The following PLCL2 variants were observed in gnomAD, a reference collection of about 807,000 sequenced individuals.
The protein encoded by PLCL2 is phospholipase C like 2.
A neutral mutation model predicts 79.6 loss-of-function variants in PLCL2; 4 were observed. That is an observed-to-expected ratio of 0.05 (90% CI 0.02 to 0.11). The LOEUF (loss-of-function observed/expected upper bound fraction) is 0.11. Among genes scored for constraint, PLCL2 ranks in the 10% least tolerant of loss-of-function variants. The pLI is 1.00. For missense variants in PLCL2, 895 were observed against 1,291.0 expected (o/e 0.69, Z 4.70); for synonymous variants, 484 against 457.7 (o/e 1.06, Z -0.73).
intron 1 of PLCL2, among the ~76,000 whole-genome samples, chr3:16,921,788 C>A (rs1697129795): frequency 6.6e-6 from 1 of 152,062 alleles, no homozygotes; most frequent in Non-Finnish European, 1.5e-5. Flanking sequence ...TTCTATTAAT[C>A]AGGCAATCAT....
intron 5 of PLCL2, among the ~76,000 whole-genome samples, chr3:17,075,874 T>C (rs1287581981): frequency 1.3e-5 from 2 of 152,238 alleles, no homozygotes; most frequent in African/African-American, 2.4e-5. Context: ...TATTGCTAAA[T>C]AGTATTCTGT....
At chr3:16,971,634 T>A (rs1338763122) in intron 1 of PLCL2, among the ~76,000 whole-genome samples, 1 of 152,192 alleles carries the variant, frequency 6.6e-6, no homozygotes, top group Admixed American at 6.5e-5. Flanking sequence ...ATAAATTACC[T>A]TGGGCGATAT....
chr3:16,938,610 A>G (rs988611376), intron 1 of PLCL2, among the ~76,000 whole-genome samples: 3 of 152,210 alleles, frequency 2.0e-5, no homozygotes, highest in Non-Finnish European at 4.4e-5. Context: ...AGGAAATAGT[A>G]ATCTTTTTTG....
intron 4 of PLCL2, among the ~76,000 whole-genome samples, chr3:17,062,307 C>T (rs2064960527): frequency 6.6e-6 from 1 of 152,204 alleles, no homozygotes; most frequent in South Asian, 2.1e-4. Flanking sequence ...ACTTTGATGT[C>T]TTTAAACACA....
At chr3:16,925,219 G>A (rs867332430) in intron 1 of PLCL2, among the ~76,000 whole-genome samples, 4 of 133,078 alleles carry the variant, frequency 3.0e-5, no homozygotes, top group Admixed American at 7.8e-5. Flanking sequence ...CACCGCGCCC[G>A]GCCAGGGTTT....
chr3:16,954,247 A>G (rs559868381), intron 1 of PLCL2, among the ~76,000 whole-genome samples: 13 of 152,184 alleles, frequency 8.5e-5, no homozygotes, highest in South Asian at 2.1e-4. Context: ...TCATTGTTCA[A>G]TTCCCACCAA....
At chr3:16,968,270 A>G (rs964602585) in intron 1 of PLCL2, among the ~76,000 whole-genome samples, 1 of 152,084 alleles carries the variant, frequency 6.6e-6, no homozygotes, top group Non-Finnish European at 1.5e-5. Flanking sequence ...TTGGTTCCAT[A>G]CCAATTTTAA....
intron 1 of PLCL2, among the ~76,000 whole-genome samples, chr3:16,979,592 G>A (rs531005098): frequency 1.3e-4 from 16 of 126,096 alleles, no homozygotes; most frequent in African/African-American, 4.0e-4. Context: ...ATCTTGCACC[G>A]CCCTTAATCC....
At position 17,074,955 on chromosome 3, in the gene PLCL2, G is replaced by C. The variant is rs183096905; in HGVS notation, c.3204+6890G>C. ...CTTTCTCCATATCAGCAATAAGGCA[G>C]TTTTGCTTTCTTATCATTCATGAGT... On this transcript the variant is annotated intron_variant, in intron 5 of 5. Coordinates refer to ENST00000615277, the MANE Select transcript of PLCL2 (RefSeq NM_001144382.2). Among the ~76,000 whole-genome samples the C allele has an allele frequency of 8.8e-4, 134 of 152,316 alleles. 2 individuals carry two copies. The highest frequency in any genetic ancestry group is 8.4e-3 in the Admixed American group (129 of 15,304).
At chr3:16,943,294 T>A (rs74517124) in intron 1 of PLCL2, among the ~76,000 whole-genome samples, 2,062 of 152,326 alleles carry the variant, frequency 0.014, 51 homozygotes, top group African/African-American at 0.047. Flanking sequence ...AATTATCCTC[T>A]GTACTAGCTC....
At chr3:17,006,455 A>G (rs2064261151) in intron 1 of PLCL2, among the ~76,000 whole-genome samples, 2 of 152,188 alleles carry the variant, frequency 1.3e-5, no homozygotes, top group Non-Finnish European at 2.9e-5. Context: ...ATTCTGGTCC[A>G]CCCATTAAGG....
At chr3:16,954,185 G>C (rs529373579) in intron 1 of PLCL2, among the ~76,000 whole-genome samples, 12 of 152,054 alleles carry the variant, frequency 7.9e-5, no homozygotes, top group African/African-American at 2.4e-4. Context: ...GCTCCCCCCA[G>C]CCCACAACAG....
intron 4 of PLCL2, among the ~76,000 whole-genome samples, chr3:17,062,628 C>T (rs561887314): frequency 6.6e-6 from 1 of 152,252 alleles, no homozygotes; most frequent in African/African-American, 2.4e-5. Flanking sequence ...GTATATGGGA[C>T]ATTGGCTAAT....
rs981848728 is a variant in PLCL2, at chr3:16,890,322, G to T, written c.327+4956G>T. On this transcript the variant is annotated intron_variant, in intron 1 of 5. Transcript: ENST00000615277. ...CAGGAAATTGTTTATTTTATTAATT[G>T]CTGATATTGGCCACAAGTTATTTTC... 1.1e-4 allele frequency among the ~76,000 whole-genome samples: 17 copies of T among 152,190 alleles called. 1 individual carries two copies. Among genetic ancestry groups the T allele is most frequent in the African/African-American group, 4.1e-4 (17 of 41,530 alleles).
Position 17,089,883 on chromosome 3 carries a change from G to A in PLCL2, c.3355G>A (p.Glu1119Lys), listed in dbSNP as rs1559295100. The change falls in exon 6 of 6, where the codon GAA (glutamate) becomes AAA (lysine). Residue 1119 changes from glutamate to lysine, a missense_variant. This residue lies in a region of PLCL2 where 298 missense variants were observed against 459.6 expected (regional missense o/e 0.65). Coordinates refer to ENST00000615277, the MANE Select transcript of PLCL2 (RefSeq NM_001144382.2). ...KPRRSLEVIP[E>K]KANDETGE is the part of the protein sequence containing the mutation. ...ACGCCGGAGCTTGGAAGTCATACCCGAAAAAGCAAACGATGAAACTGGAGA... is the reference window on the plus strand; with the variant it reads ...ACGCCGGAGCTTGGAAGTCATACCCAAAAAAGCAAACGATGAAACTGGAGA... 10 of 1,612,730 alleles carry A rather than the reference G, an allele frequency of 6.2e-6. No individual in the cohort carries two copies. The highest frequency in any genetic ancestry group is 2.2e-5 in the South Asian group (2 of 90,762).
chr3:16,907,979 T>C (rs1174403795), intron 1 of PLCL2, among the ~76,000 whole-genome samples: 2 of 152,230 alleles, frequency 1.3e-5, no homozygotes, highest in African/African-American at 2.4e-5. Flanking sequence ...CAATATTTTA[T>C]TCCAGATGAT....
At chr3:17,087,848 T>C (rs1278664492) in intron 5 of PLCL2, among the ~76,000 whole-genome samples, 1 of 152,208 alleles carries the variant, frequency 6.6e-6, no homozygotes, top group East Asian at 1.9e-4. Context: ...ATATTTGGAG[T>C]TTTAAAACAC....
At chr3:17,029,524 T>C (rs1374084939) in intron 3 of PLCL2, among the ~76,000 whole-genome samples, 1 of 152,016 alleles carries the variant, frequency 6.6e-6, no homozygotes, top group African/African-American at 2.4e-5. Flanking sequence ...TGTTTTATGA[T>C]TTTTTTCCCA....
chr3:16,916,884 T>C (rs959936887), intron 1 of PLCL2, among the ~76,000 whole-genome samples: 6 of 152,212 alleles, frequency 3.9e-5, no homozygotes, highest in Non-Finnish European at 8.8e-5. Context: ...TCGTACATTA[T>C]CCATGTGTCA....
Sources: allele counts gnomAD v4.1 joint callset (sites outside exome capture counted in the v4.1 genomes callset), GRCh38; gene constraint gnomAD v4.1.1; regional missense constraint gnomAD v4.1.1; transcripts MANE v1.5; gene names NCBI Gene and HGNC (gene_info 2026-07-23, HGNC 2026-07-21).